CDC14A: variants seen among roughly 807,000 people sequenced by gnomAD.
CDC14A encodes the protein cell division cycle 14A, also known as dual specificity protein phosphatase CDC14A.
CDC14A carries 53 observed loss-of-function variants against 74.4 expected under a neutral mutation model. The observed-to-expected ratio is 0.71, with a 90% confidence interval of 0.57 to 0.89. The LOEUF (loss-of-function observed/expected upper bound fraction) is 0.89, where lower values mean the gene tolerates loss of function less well. CDC14A is among the 40% of genes least tolerant of loss of function. The pLI is 0.00. For synonymous variants in CDC14A, 247 were observed against 258.4 expected, an observed-to-expected ratio of 0.96 and a Z score of 0.43; for missense variants, 646 against 713.7, an observed-to-expected ratio of 0.91 and a Z score of 1.08.
At chr1:100,448,596 C>T (rs1231751419) in intron 7 of CDC14A, among the ~76,000 whole-genome samples, 1 of 152,218 alleles carries the variant, frequency 6.6e-6, no homozygotes, top group Non-Finnish European at 1.5e-5. Context: ...TGGCAAGTGG[C>T]CTGGGGACTC....
intron 2 of CDC14A, among the ~76,000 whole-genome samples, chr1:100,365,118 T>C (rs1260077561): frequency 1.3e-5 from 2 of 152,248 alleles, no homozygotes; most frequent in African/African-American, 4.8e-5. Flanking sequence ...TCTCAACAAA[T>C]GTCAGACTTT....
intron 2 of CDC14A, among the ~76,000 whole-genome samples, chr1:100,367,847 C>G (rs573996415): frequency 6.6e-6 from 1 of 152,170 alleles, no homozygotes; most frequent in South Asian, 2.1e-4. Context: ...GAGGCTCTTG[C>G]CAAAAGAGAG....
rs755012858 is a variant in CDC14A, at chr1:100,499,006, C to T, written c.1499C>T (p.Thr500Ile). ...ACAGATGATCCAGAGAACAAAAAGA[C>T]CTCCTCATCCTCTAAGGCAGGCTTC... ...AATDDPENKK[T>I]SSSSKAGFTA... is the part of the protein sequence containing the mutation. The change falls in exon 15 of 16, where the codon ACC becomes ATC. Residue 500 changes from threonine to isoleucine, a missense_variant. Thr to Ile is a moderately conservative substitution (Grantham distance 89). Coordinates refer to ENST00000336454, the MANE Select transcript of CDC14A (RefSeq NM_003672.4). The T allele has an allele frequency of 6.2e-7, 1 of 1,613,666 alleles. No homozygotes were observed. The highest frequency in any genetic ancestry group is 8.5e-7 in the Non-Finnish European group (1 of 1,179,672).
At chr1:100,474,230 A>T (rs1668669972) in intron 10 of CDC14A, among the ~76,000 whole-genome samples, 1 of 152,116 alleles carries the variant, frequency 6.6e-6, no homozygotes, top group Non-Finnish European at 1.5e-5. Flanking sequence ...CTTTTTATAT[A>T]TTGCTGAACT....
chr1:100,499,206 C>T lies in CDC14A; in HGVS notation c.1699C>T (p.Pro567Ser). ...AGAGGAGCACACCACCATCCTCCGA[C>T]CCTCCTACACCGGGCTTTCTTCTTC... ...KTEEHTTILR[P>S]SYTGLSSSSA... The change falls in exon 15 of 16, where the codon CCC (proline) becomes TCC (serine). Residue 567 changes from proline (P) to serine (S), a missense_variant. Transcript: ENST00000336454. 6.2e-7 allele frequency: 1 copy of T among 1,614,188 alleles called. No homozygotes were observed. Among genetic ancestry groups the T allele is most frequent in the East Asian group, 2.2e-5 (1 of 44,884 alleles).
upstream of CDC14A, chr1:100,351,671 C>G (rs1035434227): frequency 7.8e-6 from 11 of 1,413,170 alleles, no homozygotes; most frequent in African/African-American, 1.4e-4. Context: ...CCCGCCCCTC[C>G]GGGACCGGAG....
chr1:100,372,718 G>GA (rs2100932969), intron 2 of CDC14A, among the ~76,000 whole-genome samples: 1 of 152,270 alleles, frequency 6.6e-6, no homozygotes, highest in East Asian at 1.9e-4. Context: ...GCATTCATGA[G>GA]CGTTGGAATC....
intron 8 of CDC14A, 73 bp downstream of exon 8, chr1:100,455,565 A>G (rs1003813165): frequency 1.1e-6 from 1 of 870,610 alleles, no homozygotes; most frequent in Non-Finnish European, 1.8e-6. Flanking sequence ...ACTTCCTCAG[A>G]TAATTATTTT....
At chr1:100,370,030 C>G (rs1240599764) in intron 2 of CDC14A, among the ~76,000 whole-genome samples, 2 of 151,540 alleles carry the variant, frequency 1.3e-5, no homozygotes, top group African/African-American at 2.4e-5. Context: ...GTCACCCAGG[C>G]TGGAGTGTAG....
At chr1:100,380,410 T>G (rs1655939814) in intron 3 of CDC14A, among the ~76,000 whole-genome samples, 1 of 152,192 alleles carries the variant, frequency 6.6e-6, no homozygotes, top group Non-Finnish European at 1.5e-5. Context: ...ACTCTTAGCA[T>G]TGCCCCAGCT....
At chr1:100,432,686 T>C (rs1015467806) in intron 5 of CDC14A, among the ~76,000 whole-genome samples, 1 of 152,246 alleles carries the variant, frequency 6.6e-6, no homozygotes, top group African/African-American at 2.4e-5. Flanking sequence ...GAGAATATTC[T>C]AGATATATTG....
intron 8 of CDC14A, among the ~76,000 whole-genome samples, chr1:100,457,817 T>A (rs1666876893): frequency 6.6e-6 from 1 of 152,078 alleles, no homozygotes; most frequent in Non-Finnish European, 1.5e-5. Context: ...TCTTACTCTT[T>A]TTTTCCTTTT....
chr1:100,487,918 C>A (rs1234767916), intron 11 of CDC14A, among the ~76,000 whole-genome samples: 1 of 152,080 alleles, frequency 6.6e-6, no homozygotes, highest in Admixed American at 6.5e-5. Context: ...AAGGCAGAGA[C>A]TTTTATTTGT....
intron 2 of CDC14A, 47 bp from the exon 3 acceptor site, chr1:100,377,499 T>G (rs1428091744): frequency 1.6e-6 from 2 of 1,289,756 alleles, no homozygotes; most frequent in African/African-American, 1.5e-5. Flanking sequence ...TTACTGAAAA[T>G]TATACTTTGA....
chr1:100,439,356 C>T (rs1664679980), intron 5 of CDC14A, among the ~76,000 whole-genome samples: 1 of 152,144 alleles, frequency 6.6e-6, no homozygotes, highest in African/African-American at 2.4e-5. Flanking sequence ...CATACATTGT[C>T]TCTCCTATCT....
At chr1:100,424,989 G>A (rs1317127671) in intron 5 of CDC14A, among the ~76,000 whole-genome samples, 2 of 152,074 alleles carry the variant, frequency 1.3e-5, no homozygotes, top group Non-Finnish European at 2.9e-5. Context: ...GCAACATGGT[G>A]AAACCCCGTC....
intron 6 of CDC14A, among the ~76,000 whole-genome samples, chr1:100,440,332 A>T (rs867544004): frequency 2.6e-4 from 40 of 152,236 alleles, no homozygotes; most frequent in African/African-American, 8.7e-4. Context: ...TCAGGAAGTT[A>T]TCTAAGCCAC....
chr1:100,443,060 A>G, intron 7 of CDC14A, 64 bp downstream of exon 7: 1 of 1,080,782 alleles, frequency 9.3e-7, no homozygotes. Context: ...TCCCCCTGTC[A>G]CACTCATGTA....
intron 2 of CDC14A, among the ~76,000 whole-genome samples, chr1:100,366,145 G>A (rs1309684738): frequency 6.6e-6 from 1 of 152,172 alleles, no homozygotes; most frequent in Non-Finnish European, 1.5e-5. Flanking sequence ...GACAAAAAAC[G>A]TCAGCAGTGC....
Sources: allele counts gnomAD v4.1 joint callset (sites outside exome capture counted in the v4.1 genomes callset), GRCh38; gene constraint gnomAD v4.1.1; transcripts MANE v1.5; gene names NCBI Gene and HGNC (gene_info 2026-07-23, HGNC 2026-07-21).